GPLD1: variants seen among roughly 807,000 people sequenced by gnomAD.
GPLD1 encodes the protein glycosylphosphatidylinositol specific phospholipase D1, also known as phosphatidylinositol-glycan-specific phospholipase D.
Under a neutral mutation model 112.6 loss-of-function variants are expected in GPLD1, and 84 were observed. The observed-to-expected ratio is 0.75, with a 90% CI of 0.63 to 0.89. The LOEUF (loss-of-function observed/expected upper bound fraction) is 0.89. GPLD1 is among the 40% of genes least tolerant of loss of function. GPLD1 has a pLI of 0.00. For missense variants in GPLD1, 1,044 were observed against 1,051.5 expected (o/e 0.99, Z 0.10); for synonymous variants, 386 against 403.8 (o/e 0.96, Z 0.53).
chr6:24,436,698 C>T lies in GPLD1; in HGVS notation c.2236G>A (p.Val746Ile), dbSNP rs775993046. Residue 746 changes from valine to isoleucine, a missense_variant, in exon 22 of 25, where the codon GTA becomes ATA. Physicochemically the swap from Val to Ile is conservative, Grantham distance 29. Transcript: ENST00000230036. ...IMAAPLRIADVTSGLIGGEDG... is the reference protein window; with the variant it reads ...IMAAPLRIADITSGLIGGEDG... ...TCTCCCCCAATCAGTCCAGAGGTTA[C>T]ATCTGCTATCCTCAGGGGGGCTGCC... 1.7e-5 allele frequency: 27 copies of T among 1,614,056 alleles called. No individual in the cohort carries two copies. The highest frequency in any genetic ancestry group is 2.2e-5 in the Non-Finnish European group (26 of 1,179,974).
intron 14 of GPLD1, among the ~76,000 whole-genome samples, chr6:24,451,847 G>A (rs918589035): frequency 1.3e-5 from 2 of 152,210 alleles, no homozygotes; most frequent in African/African-American, 2.4e-5. Context: ...CACAAAACAC[G>A]CTAGGGCAGG....
chr6:24,459,647 A>C (rs1763373572), intron 12 of GPLD1, among the ~76,000 whole-genome samples: 1 of 152,198 alleles, frequency 6.6e-6, no homozygotes, highest in Non-Finnish European at 1.5e-5. Flanking sequence ...CACTCCTTTC[A>C]GACTGAAATT....
intron 1 of GPLD1, chr6:24,494,748 C>G: frequency 2.8e-6 from 1 of 362,992 alleles, no homozygotes; most frequent in East Asian, 4.2e-5. Context: ...AACCCTCCCC[C>G]GGGAGAAGGT....
In GPLD1 at chr6:24,427,677, C is replaced by T. The variant is rs957979221; in HGVS notation, c.*1355G>A. 6.6e-6 allele frequency among the ~76,000 whole-genome samples: 1 copy of T among 151,890 alleles called. No homozygotes were observed. The highest frequency in any genetic ancestry group is 2.4e-5 in the African/African-American group (1 of 41,346). ...CCTGGCCAACATGGTGAAACCCTGT[C>T]TCTACTAAAAATACAAAAATTAGCC... On this transcript the variant is annotated 3_prime_UTR_variant, in exon 25 of 25. Coordinates refer to ENST00000230036, the MANE Select transcript of GPLD1 (RefSeq NM_001503.4).
At chr6:24,491,696 C>T (rs1764564586), upstream of GPLD1, among the ~76,000 whole-genome samples, 1 of 150,338 alleles carries the variant, frequency 6.7e-6, no homozygotes, top group Admixed American at 6.6e-5. Flanking sequence ...CAAGACCCCA[C>T]CTCAAAAAAA....
Position 24,433,163 on chromosome 6 carries a change from A to G in GPLD1, c.2436+24T>C, listed in dbSNP as rs765941706. 26 of 1,543,438 alleles carry G rather than the reference A, an allele frequency of 1.7e-5. No homozygotes were observed. The South Asian group carries it at 1.8e-4, about 11-fold the overall frequency. On this transcript the variant is annotated intron_variant, in intron 24 of 24. Transcript: ENST00000230036. ...ACCCGTAGTACTAACATAAACATCA[A>G]TGAAGTTCAGTCCTTGGGCTCACCT...
chr6:24,494,284 T>C (rs1764631597), upstream of GPLD1, among the ~76,000 whole-genome samples: 1 of 152,238 alleles, frequency 6.6e-6, no homozygotes, highest in Non-Finnish European at 1.5e-5. Context: ...TATAAGTGAC[T>C]GGACTAAGGT....
intron 2 of GPLD1, among the ~76,000 whole-genome samples, chr6:24,481,899 A>T (rs1764214428): frequency 6.6e-6 from 1 of 152,166 alleles, no homozygotes; most frequent in African/African-American, 2.4e-5. Flanking sequence ...CTATTTACTT[A>T]ACCAGTCACT....
intron 20 of GPLD1, among the ~76,000 whole-genome samples, chr6:24,441,474 T>C (rs549329238): frequency 7.2e-5 from 11 of 152,170 alleles, no homozygotes; most frequent in Non-Finnish European, 1.5e-4. Context: ...CACGAACTAC[T>C]GGGTGGAGGC....
rs570077969 is a variant in GPLD1 at position 24,461,216 on chromosome 6, A to G, written c.888-817T>C. On this transcript the variant is annotated intron_variant, in intron 11 of 24. Coordinates refer to ENST00000230036, the MANE Select transcript of GPLD1 (RefSeq NM_001503.4). ...AGCCGTAAGTGACGGGGCCCTGGGCATGACACCAACTAGTGTCAGGGTTCT... is the reference window on the plus strand; with the variant it reads ...AGCCGTAAGTGACGGGGCCCTGGGCGTGACACCAACTAGTGTCAGGGTTCT... 2.6e-5 allele frequency among the ~76,000 whole-genome samples: 4 copies of G among 152,308 alleles called. No individual in the cohort carries two copies. In the East Asian group the frequency reaches 7.7e-4, roughly 29 times the overall value.
intron 22 of GPLD1, chr6:24,435,836 A>AAAAAAAAAAAAAAAAAAAAAAAAAAAAAG (rs1427422814): frequency 6.8e-6 from 1 of 146,528 alleles, no homozygotes; most frequent in Non-Finnish European, 1.5e-5. Flanking sequence ...AAAAAAAAAA[A>AAAAAAAAAAAAAAAAAAAAAAAAAAAAAG]AAAAAAAAAA....
rs1217282676 is a variant in GPLD1, at chr6:24,466,812, G to A, written c.689C>T (p.Pro230Leu). Residue 230 changes from proline to leucine, a missense_variant, in exon 10 of 25, where the codon CCC becomes CTC. Pro to Leu is a moderately conservative substitution (Grantham distance 98). Transcript: ENST00000230036. ...GEMLAVSKLYPTYSTKSPFLV... is the reference protein window; with the variant it reads ...GEMLAVSKLYLTYSTKSPFLV... Reference sequence around the variant, plus strand: ...AAACGGGGACTTTGTAGAGTAAGTGGGATATAACTATGGCAGAGAGAAAGA... The same window carrying A: ...AAACGGGGACTTTGTAGAGTAAGTGAGATATAACTATGGCAGAGAGAAAGA... 9.3e-6 allele frequency: 15 copies of A among 1,608,170 alleles called. No homozygotes were observed. The highest frequency in any genetic ancestry group is 1.6e-4 in the Middle Eastern group (1 of 6,082).
In GPLD1 at chr6:24,475,187, G is replaced by T; in HGVS notation, c.375C>A (p.His125Gln). 6.2e-7 allele frequency: 1 copy of T among 1,612,812 alleles called. No homozygotes were observed. The highest frequency in any genetic ancestry group is 8.5e-7 in the Non-Finnish European group (1 of 1,178,824). Residue 125 changes from histidine to glutamine, a missense_variant, in exon 5 of 25, where the codon CAC (histidine) becomes CAA (glutamine). His to Gln is a conservative substitution (Grantham distance 24). Coordinates refer to ENST00000230036, the MANE Select transcript of GPLD1 (RefSeq NM_001503.4). The part of the protein sequence containing the change: ...LVAFLFGITS[H>Q]MAADVSWHSL... The stretch of plus-strand genomic sequence containing the variant: ...TATGCCAGCTGACATCTGCCGCCAT[G>T]TGAGAAGTAATTCCAAACAAGAAAG...
intron 1 of GPLD1, among the ~76,000 whole-genome samples, chr6:24,489,101 C>G (rs1245814873): frequency 6.6e-6 from 1 of 152,220 alleles, no homozygotes; most frequent in East Asian, 1.9e-4. Flanking sequence ...CCCATTCTGT[C>G]AGTTCTGCTG....
rs1433928735 is a variant in GPLD1 at position 24,433,057 on chromosome 6, T to G, written c.2436+130A>C. The G allele has an allele frequency of 6.6e-6, 5 of 762,922 alleles. No individual in the cohort carries two copies. The East Asian group carries it at 9.8e-5, about 15-fold the overall frequency. 47.3% of individuals were successfully genotyped at this position (762,922 alleles called of 1,614,324 possible). ...AGGAAGTGATGAGATTATATGTGAA[T>G]GTTACTTTCTGTGTGTTCCTCTCCT... On this transcript the variant is annotated intron_variant, in intron 24 of 24. Transcript: ENST00000230036.
chr6:24,490,693 G>A (rs540354319), upstream of GPLD1, among the ~76,000 whole-genome samples: 281 of 151,976 alleles, frequency 1.8e-3, 1 homozygote, highest in African/African-American at 6.3e-3. Context: ...TGGAGATTGC[G>A]GTGAGCCGAG....
chr6:24,495,023 C>T (rs968707357), exon 1 of GPLD1: 2 of 1,341,430 alleles, frequency 1.5e-6, no homozygotes, highest in South Asian at 2.3e-5. Flanking sequence ...GGCTGCGGAG[C>T]TGTGGGGCCC....
At chr6:24,447,818 T>G (rs559388972) in intron 17 of GPLD1, 59 bp downstream of exon 17, 1 of 1,508,858 alleles carries the variant, frequency 6.6e-7, no homozygotes, top group Non-Finnish European at 9.2e-7. Flanking sequence ...CTATGCAGGA[T>G]AAGTTGTCGT....
chr6:24,433,482 TA>T (rs1762470623), intron 22 of GPLD1, 93 bp from the exon 23 acceptor site: 5 of 608,400 alleles, frequency 8.2e-6, no homozygotes, highest in African/African-American at 4.3e-5. Context: ...CCCTCATTTC[TA>T]CTTTTTTTTT....
Sources: gnomAD v4.1 joint callset for allele counts (sites outside exome capture counted in the v4.1 genomes callset) on GRCh38, gnomAD v4.1.1 for gene constraint, MANE v1.5 for transcripts, NCBI Gene and HGNC (gene_info 2026-07-23, HGNC 2026-07-21) for gene names.